LMO1: variants seen among roughly 807,000 people sequenced by gnomAD.
LMO1 encodes LIM domain only 1.
In LMO1, 10 loss-of-function variants were observed where a neutral mutation model predicts 18.0. That is an observed-to-expected ratio of 0.55 (90% confidence interval 0.34 to 0.94). The LOEUF is 0.94. Ranked by LOEUF, LMO1 falls within the 40% of genes least tolerant of loss-of-function variation. LMO1 has a pLI of 0.02. For synonymous variants in LMO1, 77 were observed against 77.9 expected (o/e 0.99, Z 0.06); for missense variants, 183 against 205.7 (o/e 0.89, Z 0.68).
At chr11:8,245,186 A>G (rs1846874025) in intron 1 of LMO1, among the ~76,000 whole-genome samples, 1 of 152,132 alleles carries the variant, frequency 6.6e-6, no homozygotes, top group South Asian at 2.1e-4. Context: ...CTTTTGTAGC[A>G]TCCTTTGCCC....
At chr11:8,232,584 G>A (rs956450371) in intron 1 of LMO1, among the ~76,000 whole-genome samples, 2 of 152,154 alleles carry the variant, frequency 1.3e-5, no homozygotes, top group African/African-American at 2.4e-5. Flanking sequence ...GCAGAGGTAC[G>A]CACTCAAACA....
chr11:8,268,323 G>T (rs1166044132), upstream of LMO1: 3 of 1,008,398 alleles, frequency 3.0e-6, no homozygotes, highest in East Asian at 3.3e-5. Flanking sequence ...GGTGCTGAGG[G>T]CTCTGCCGCC....
intron 1 of LMO1, among the ~76,000 whole-genome samples, chr11:8,241,880 T>G (rs1846801355): frequency 6.6e-6 from 1 of 152,192 alleles, no homozygotes. Context: ...CTACATGCCT[T>G]GTCCACTATT....
chr11:8,230,240 G>C, intron 2 of LMO1, 51 bp downstream of exon 2: 1 of 1,545,490 alleles, frequency 6.5e-7, no homozygotes, highest in Non-Finnish European at 8.9e-7. Flanking sequence ...TGAGGATGGG[G>C]AGCTTTCTGA....
intron 1 of LMO1, among the ~76,000 whole-genome samples, chr11:8,238,487 C>A (rs531795416): frequency 6.6e-6 from 1 of 152,074 alleles, no homozygotes; most frequent in African/African-American, 2.4e-5. Context: ...CTGGCTAACA[C>A]GGTGAAACCC....
At chr11:8,259,283 A>G (rs1847147958) in intron 1 of LMO1, among the ~76,000 whole-genome samples, 1 of 152,130 alleles carries the variant, frequency 6.6e-6, no homozygotes, top group Non-Finnish European at 1.5e-5. Context: ...GAACAGAGAG[A>G]AGCACCTGCT....
intron 1 of LMO1, among the ~76,000 whole-genome samples, chr11:8,261,543 G>A (rs1161702142): frequency 6.6e-6 from 1 of 152,226 alleles, no homozygotes; most frequent in Non-Finnish European, 1.5e-5. Context: ...CAGAGCCCGA[G>A]TCTTCTGGAT....
chr11:8,224,344 A>T lies in LMO1; in HGVS notation c.*272T>A, dbSNP rs548557996. ...ATTCATAAGTTTAATCCACGCCAGTAATAAAATCGCATTACATTTCTCATA... is the reference window on the plus strand; with the variant it reads ...ATTCATAAGTTTAATCCACGCCAGTTATAAAATCGCATTACATTTCTCATA... On this transcript the variant is annotated 3_prime_UTR_variant, in exon 4 of 4. Coordinates refer to ENST00000335790, the MANE Select transcript of LMO1 (RefSeq NM_002315.3). 2.2e-6 allele frequency: 1 copy of T among 464,198 alleles called. No homozygotes were observed. The highest frequency in any genetic ancestry group is 1.9e-5 in the African/African-American group (1 of 52,086). 28.8% of individuals were successfully genotyped at this position (464,198 alleles called of 1,614,324 possible). A position where few individuals can be genotyped will look rare whatever the true frequency, so the allele number is the denominator to read the frequency against.
chr11:8,262,726 G>C (rs369782129), intron 1 of LMO1, among the ~76,000 whole-genome samples: 6 of 152,222 alleles, frequency 3.9e-5, no homozygotes, highest in African/African-American at 1.2e-4. Context: ...GGGAGCTAGC[G>C]GGCCGGCACA....
rs190262854 is a variant in LMO1 at position 8,261,025 on chromosome 11, C to A, written c.25+2313G>T. On this transcript the variant is annotated intron_variant, in intron 1 of 3. Coordinates refer to ENST00000335790, the MANE Select transcript of LMO1 (RefSeq NM_002315.3). ...TTTCTCCCTCCCCCAATTGAAGATGCCATCTTCAAGGTTTCCTGGAACTAT... is the reference window on the plus strand; with the variant it reads ...TTTCTCCCTCCCCCAATTGAAGATGACATCTTCAAGGTTTCCTGGAACTAT... Among the ~76,000 whole-genome samples, 383 of 152,230 alleles carry A rather than the reference C, an allele frequency of 2.5e-3. 2 individuals are homozygous for A. In the South Asian group the frequency reaches 0.025, roughly 10 times the overall value.
In LMO1 at chr11:8,263,519, C is replaced by A; in HGVS notation, c.-157G>T. 7.1e-7 allele frequency: 1 copy of A among 1,401,882 alleles called. No homozygotes were observed. The highest frequency in any genetic ancestry group is 9.3e-7 in the Non-Finnish European group (1 of 1,080,952). 86.8% of individuals were successfully genotyped at this position (1,401,882 alleles called of 1,614,324 possible). A position where few individuals can be genotyped will look rare whatever the true frequency, so the allele number is the denominator to read the frequency against. On this transcript the variant is annotated 5_prime_UTR_variant, in exon 1 of 4. An upstream start codon of the reference 5' UTR is lost. Coordinates refer to ENST00000335790, the MANE Select transcript of LMO1 (RefSeq NM_002315.3). ...CCTAGATTGCACTCAGCTAGAATTA[C>A]ATTCAGGAGTGAAGCACTTCGCAGA... is the stretch of plus-strand genomic sequence containing the variant.
At chr11:8,245,457 C>G (rs145770282) in intron 1 of LMO1, among the ~76,000 whole-genome samples, 1 of 152,286 alleles carries the variant, frequency 6.6e-6, no homozygotes, top group African/African-American at 2.4e-5. Context: ...CTAAAGCAAG[C>G]AGAAGTCCTT....
intron 1 of LMO1, among the ~76,000 whole-genome samples, chr11:8,251,584 T>C (rs965022694): frequency 1.3e-5 from 2 of 151,796 alleles, no homozygotes; most frequent in African/African-American, 4.8e-5. Context: ...TGGGGTGGCT[T>C]TGTAGGGCCC....
At chr11:8,254,445 G>A (rs1310297267) in intron 1 of LMO1, among the ~76,000 whole-genome samples, 1 of 152,190 alleles carries the variant, frequency 6.6e-6, no homozygotes, top group Non-Finnish European at 1.5e-5. Context: ...CCATTTTGAG[G>A]CTAGGGGCCA....
intron 1 of LMO1, among the ~76,000 whole-genome samples, chr11:8,260,361 G>A (rs907815276): frequency 6.6e-6 from 1 of 152,178 alleles, no homozygotes; most frequent in Admixed American, 6.5e-5. Flanking sequence ...GTTCCATTTC[G>A]CTGACAGGCA....
rs1454124826 is a variant in LMO1 at position 8,263,277 on chromosome 11, C to T, written c.25+61G>A. On this transcript the variant is annotated intron_variant, in intron 1 of 3. Transcript: ENST00000335790. The stretch of plus-strand genomic sequence containing the variant: ...CGCCCGTGTCCCCGCGTGTGTGTGC[C>T]TGCGCGCCGCGGCAGGGGGCGAGGG... 6.4e-6 allele frequency: 10 copies of T among 1,552,920 alleles called. No homozygotes were observed. The African/African-American group carries it at 1.4e-4, about 22-fold the overall frequency.
At chr11:8,237,332 A>G (rs1176287960) in intron 1 of LMO1, among the ~76,000 whole-genome samples, 1 of 152,140 alleles carries the variant, frequency 6.6e-6, no homozygotes, top group Non-Finnish European at 1.5e-5. Flanking sequence ...TGAAAGTGTA[A>G]TCTAACTCTG....
At chr11:8,234,643 C>A (rs1172642147) in intron 1 of LMO1, among the ~76,000 whole-genome samples, 2 of 152,134 alleles carry the variant, frequency 1.3e-5, no homozygotes. Context: ...CCCGTGGCTC[C>A]CCTGCTGGAA....
intron 1 of LMO1, among the ~76,000 whole-genome samples, chr11:8,239,040 C>A (rs1443438577): frequency 6.6e-6 from 1 of 152,138 alleles, no homozygotes; most frequent in Non-Finnish European, 1.5e-5. Context: ...TAAATGATTA[C>A]CCCCATTTCA....
Sources: gnomAD v4.1 joint callset for allele counts (sites outside exome capture counted in the v4.1 genomes callset) on GRCh38, gnomAD v4.1.1 for gene constraint, MANE v1.5 for transcripts, NCBI Gene and HGNC (gene_info 2026-07-23, HGNC 2026-07-21) for gene names.